Variants in DLG2 observed in about 807,000 individuals in gnomAD.
DLG2 encodes disks large homolog 2.
Under a neutral mutation model 132.5 loss-of-function variants are expected in DLG2, and 45 were observed. That is an observed-to-expected ratio of 0.34 (90% CI 0.27 to 0.44). The LOEUF is 0.44. Among genes scored for constraint, DLG2 ranks in the 20% least tolerant of loss-of-function variants. The pLI is 1.00. For missense variants in DLG2, 1,045 were observed against 1,196.9 expected (o/e 0.87, Z 1.87); for synonymous variants, 424 against 419.6 (o/e 1.01, Z -0.13).
chr11:84,618,851 G>C (rs1466377579), intron 6 of DLG2, among the ~76,000 whole-genome samples: 1 of 151,846 alleles, frequency 6.6e-6, no homozygotes, highest in Non-Finnish European at 1.5e-5. Context: ...AAGATTATCA[G>C]ACACATAATT....
chr11:84,080,750 G>T (rs936919897), intron 10 of DLG2, among the ~76,000 whole-genome samples: 3 of 152,094 alleles, frequency 2.0e-5, no homozygotes, highest in African/African-American at 7.2e-5. Context: ...CCAGACCTTT[G>T]GGAAGCTGAG....
intron 14 of DLG2, among the ~76,000 whole-genome samples, chr11:83,949,068 G>C (rs2084773037): frequency 6.6e-6 from 1 of 152,086 alleles, no homozygotes; most frequent in Non-Finnish European, 1.5e-5. Flanking sequence ...AATTCAAAAT[G>C]AATTTTTACA....
intron 7 of DLG2, among the ~76,000 whole-genome samples, chr11:84,298,604 C>T (rs11823072): frequency 0.19 from 29,381 of 152,076 alleles, 3,239 homozygotes; most frequent in East Asian, 0.3. Context: ...GCTTCTAATA[C>T]GATAGTTGAA....
chr11:84,431,415 T>C (rs1166499261), intron 7 of DLG2, among the ~76,000 whole-genome samples: 1 of 152,172 alleles, frequency 6.6e-6, no homozygotes, highest in Non-Finnish European at 1.5e-5. Flanking sequence ...ATTCAATAAA[T>C]ATTAACCATT....
intron 6 of DLG2, among the ~76,000 whole-genome samples, chr11:85,107,270 A>G (rs969207195): frequency 6.6e-6 from 1 of 152,062 alleles, no homozygotes; most frequent in Non-Finnish European, 1.5e-5. Flanking sequence ...ATATGCAACA[A>G]AACAAAAGAA....
At chr11:84,273,320 A>C (rs1277772482) in intron 7 of DLG2, 17 of 1,405,314 alleles carry the variant, frequency 1.2e-5, no homozygotes, top group Non-Finnish European at 1.5e-5. Context: ...AAAAAAAAAA[A>C]AAAAAAAAAC....
At chr11:83,858,083 A>G (rs893964984) in intron 16 of DLG2, among the ~76,000 whole-genome samples, 3 of 152,184 alleles carry the variant, frequency 2.0e-5, no homozygotes, top group African/African-American at 4.8e-5. Flanking sequence ...GGTGGTTAAG[A>G]GATGAAGACA....
At chr11:83,851,122 A>G (rs2059677471) in intron 16 of DLG2, among the ~76,000 whole-genome samples, 1 of 150,894 alleles carries the variant, frequency 6.6e-6, no homozygotes, top group Non-Finnish European at 1.5e-5. Flanking sequence ...GCTTGCAGTG[A>G]GCTGAGACCG....
intron 6 of DLG2, among the ~76,000 whole-genome samples, chr11:84,808,557 C>G (rs2076240355): frequency 6.6e-6 from 1 of 151,822 alleles, no homozygotes; most frequent in Admixed American, 6.6e-5. Flanking sequence ...ATAAAATTAA[C>G]AAACCTCTAG....
chr11:84,833,324 T>C (rs117979844), intron 6 of DLG2, among the ~76,000 whole-genome samples: 297 of 151,684 alleles, frequency 2.0e-3, no homozygotes, highest in Middle Eastern at 3.4e-3. Flanking sequence ...CTCTCAGAGC[T>C]TCACTTCAGC....
At chr11:85,427,263 G>A (rs1353839677) in intron 3 of DLG2, among the ~76,000 whole-genome samples, 1 of 152,110 alleles carries the variant, frequency 6.6e-6, no homozygotes, top group Non-Finnish European at 1.5e-5. Flanking sequence ...TCAAATTCAG[G>A]AAATACAGAG....
chr11:85,514,820 T>C (rs892932046), intron 3 of DLG2, among the ~76,000 whole-genome samples: 1 of 151,930 alleles, frequency 6.6e-6, no homozygotes, highest in African/African-American at 2.4e-5. Flanking sequence ...CCCTACATAC[T>C]GGGCAGAGGT....
rs767948529 is a variant in DLG2 at position 83,469,328 on chromosome 11, T to G, written c.2492A>C (p.Tyr831Ser). ...KRDYEVDGRD[Y>S]HFVISREQME... ...TTGTTCTCTGGAAATGACAAAGTGA[T>G]AGTCTCTGCCATCCACCTCGTAGTC... Residue 831 changes from tyrosine to serine, a missense_variant, in exon 25 of 28, where the codon TAT becomes TCT. By Grantham distance (144) the Tyr-to-Ser change is moderately radical (BLOSUM62 -2). This residue lies in a region of DLG2 where 398 missense variants were observed against 543.6 expected (regional missense o/e 0.73). Coordinates refer to ENST00000376104, the MANE Select transcript of DLG2 (RefSeq NM_001142699.3). 6.2e-7 allele frequency: 1 copy of G among 1,613,692 alleles called. No homozygotes were observed. Among genetic ancestry groups the G allele is most frequent in the Non-Finnish European group, 8.5e-7 (1 of 1,179,780 alleles).
At chr11:85,254,743 GT>G (rs1174704500) in intron 4 of DLG2, among the ~76,000 whole-genome samples, 4 of 152,152 alleles carry the variant, frequency 2.6e-5, no homozygotes, top group Admixed American at 6.5e-5. Context: ...GCTCACGCCT[GT>G]AATCCCAGCA....
chr11:84,002,545 C>T lies in DLG2; in HGVS notation c.920-21903G>A, dbSNP rs568127826. 2.0e-5 allele frequency among the ~76,000 whole-genome samples: 3 copies of T among 152,280 alleles called. No homozygotes were observed. The South Asian group carries it at 6.2e-4, about 32-fold the overall frequency. ...ATCTGTGTACCCACAGGCTCAACAC[C>T]ACATGTAAGCTGCCAAGGCTTGGGG... On this transcript the variant is annotated intron_variant, in intron 11 of 27. Transcript: ENST00000376104.
At chr11:84,147,028 C>T (rs939800469) in intron 9 of DLG2, among the ~76,000 whole-genome samples, 2 of 151,994 alleles carry the variant, frequency 1.3e-5, no homozygotes, top group Admixed American at 6.6e-5. Flanking sequence ...GGGAATGCTG[C>T]CCCCTCTCTG....
chr11:83,486,861 C>T (rs993417443), intron 21 of DLG2, among the ~76,000 whole-genome samples: 55 of 152,014 alleles, frequency 3.6e-4, no homozygotes, highest in African/African-American at 1.3e-3. Flanking sequence ...TGTTTAGGAT[C>T]TTAGCTAAAC....
At chr11:84,446,009 T>C (rs1269137084) in intron 7 of DLG2, among the ~76,000 whole-genome samples, 1 of 151,878 alleles carries the variant, frequency 6.6e-6, no homozygotes, top group Admixed American at 6.6e-5. Flanking sequence ...AATTCTGTTA[T>C]GTTTTTTCTG....
chr11:84,109,996 C>T (rs2093245033), intron 9 of DLG2, among the ~76,000 whole-genome samples: 2 of 152,330 alleles, frequency 1.3e-5, no homozygotes, highest in Admixed American at 6.5e-5. Context: ...CTTCTGCCAT[C>T]ACTCTCTAGT....
Sources: gnomAD v4.1 joint callset for allele counts (sites outside exome capture counted in the v4.1 genomes callset) on GRCh38, gnomAD v4.1.1 for gene constraint, gnomAD v4.1.1 regional missense constraint, MANE v1.5 for transcripts, NCBI Gene and HGNC (gene_info 2026-07-23, HGNC 2026-07-21) for gene names.